Variants in RBPJ observed in about 807,000 individuals in gnomAD.
RBPJ encodes the protein recombination signal binding protein for immunoglobulin kappa J region, also known as recombining binding protein suppressor of hairless.
A neutral mutation model predicts 67.8 loss-of-function variants in RBPJ; 9 were observed. The observed-to-expected ratio is 0.13, with a 90% CI of 0.08 to 0.23. RBPJ has a LOEUF of 0.23. Among genes scored for constraint, RBPJ ranks in the 10% least tolerant of loss-of-function variants. The probability of loss-of-function intolerance (pLI) is 1.00; values close to 1 mark genes in which losing one functional copy is unlikely to be tolerated. For missense variants in RBPJ, 305 were observed against 595.6 expected, an observed-to-expected ratio of 0.51 and a Z score of 5.08; for synonymous variants, 198 against 203.3, an observed-to-expected ratio of 0.97 and a Z score of 0.22.
intron 1 of RBPJ, among the ~76,000 whole-genome samples, chr4:26,176,795 C>T (rs1716809119): frequency 3.3e-5 from 5 of 152,356 alleles, no homozygotes; most frequent in South Asian, 2.1e-4. Context: ...AGGCCTAAGC[C>T]AGGCCTGTCT....
At chr4:26,327,007 CTA>C (rs1348137993) in intron 1 of RBPJ, among the ~76,000 whole-genome samples, 3 of 152,168 alleles carry the variant, frequency 2.0e-5, no homozygotes, top group African/African-American at 7.2e-5. Context: ...TTTTTGGGGT[CTA>C]TTTCTTACTG....
At chr4:26,227,775 G>A (rs1373566903) in intron 1 of RBPJ, among the ~76,000 whole-genome samples, 2 of 152,206 alleles carry the variant, frequency 1.3e-5, no homozygotes, top group Non-Finnish European at 2.9e-5. Context: ...GTCGCGGAGC[G>A]TCCGAGTGCC....
At chr4:26,313,357 C>G (rs1033515432) in intron 1 of RBPJ, among the ~76,000 whole-genome samples, 1 of 152,078 alleles carries the variant, frequency 6.6e-6, no homozygotes, top group Admixed American at 6.6e-5. Context: ...AAGGGAGAAA[C>G]GCCATCTCTA....
At chr4:26,253,311 T>TC (rs1417862432) in intron 1 of RBPJ, among the ~76,000 whole-genome samples, 1 of 142,782 alleles carries the variant, frequency 7.0e-6, no homozygotes, top group African/African-American at 2.6e-5. Context: ...CTATTTCTTT[T>TC]TTTTTTTTTT....
intron 1 of RBPJ, among the ~76,000 whole-genome samples, chr4:26,260,068 T>C (rs1577366776): frequency 6.6e-6 from 1 of 152,342 alleles, no homozygotes; most frequent in African/African-American, 2.4e-5. Flanking sequence ...AGACATATTA[T>C]AGCAAGTTAG....
intron 1 of RBPJ, among the ~76,000 whole-genome samples, chr4:26,224,776 G>A (rs1577491585): frequency 6.6e-6 from 1 of 152,208 alleles, no homozygotes; most frequent in South Asian, 2.1e-4. Context: ...TCAGGGCAGC[G>A]AAAACAACGC....
intron 1 of RBPJ, among the ~76,000 whole-genome samples, chr4:26,166,616 G>A (rs537730952): frequency 8.6e-5 from 13 of 151,984 alleles, no homozygotes; most frequent in South Asian, 6.3e-4. Context: ...TTCTGGATAT[G>A]AGCCCTATGT....
At chr4:26,299,976 C>T (rs1014951830) in intron 1 of RBPJ, among the ~76,000 whole-genome samples, 2 of 152,078 alleles carry the variant, frequency 1.3e-5, no homozygotes, top group Admixed American at 6.6e-5. Context: ...TGAGCCACCG[C>T]GCCTGGCCCA....
intron 3 of RBPJ, among the ~76,000 whole-genome samples, chr4:26,414,455 C>T (rs1278604364): frequency 6.6e-6 from 1 of 152,192 alleles, no homozygotes; most frequent in East Asian, 1.9e-4. Flanking sequence ...AGGTATGGGT[C>T]ACCGCGCCCA....
intron 1 of RBPJ, among the ~76,000 whole-genome samples, chr4:26,347,890 G>A (rs1726331101): frequency 6.6e-6 from 1 of 151,886 alleles, no homozygotes; most frequent in Non-Finnish European, 1.5e-5. Context: ...GTGACCAAGA[G>A]GACATTTACC....
rs73245775 is a variant in RBPJ, at chr4:26,359,946, G to A, written c.21-26407G>A. 0.027 allele frequency among the ~76,000 whole-genome samples: 4,144 copies of A among 152,282 alleles called. 124 individuals are homozygous for A. The highest frequency in any genetic ancestry group is 0.087 in the Admixed American group (1,337 of 15,282). ...GATCTCATAATTTCATAAATATTGT[G>A]TGTTGTAAATTCAGTAGTCAAAACC... On this transcript the variant is annotated intron_variant, in intron 1 of 10. Coordinates refer to ENST00000355476, the MANE Select transcript of RBPJ (RefSeq NM_015874.6).
chr4:26,288,643 T>A (rs1392978791), intron 1 of RBPJ, among the ~76,000 whole-genome samples: 1 of 152,238 alleles, frequency 6.6e-6, no homozygotes, highest in African/African-American at 2.4e-5. Flanking sequence ...TGTGAGTTTA[T>A]TTTAAAAGCC....
intron 1 of RBPJ, among the ~76,000 whole-genome samples, chr4:26,210,686 C>CTTTCTTTCT (rs56289492): frequency 1.5e-5 from 1 of 65,396 alleles, no homozygotes. Context: ...TTCTTTCTTT[C>CTTTCTTTCT]CTTTCTTTCT....
At position 26,424,508 on chromosome 4, in the gene RBPJ, T is replaced by C; in HGVS notation, c.634+29T>C. The C allele has an allele frequency of 1.2e-6, 2 of 1,607,796 alleles. No individual in the cohort carries two copies. The highest frequency in any genetic ancestry group is 1.7e-6 in the Non-Finnish European group (2 of 1,176,352). ...AGTATAAAAGTGTGCATTTAATGTT[T>C]TTAGTGTGAAATTGTTAAAATCTTT... On this transcript the variant is annotated intron_variant, in intron 6 of 10. Transcript: ENST00000355476. This position sits in a 1 kb window ranked among gnomAD's most constrained non-coding sequence, Gnocchi z 5.3.
chr4:26,141,363 C>A, the RBPJ span, among the ~76,000 whole-genome samples: 1 of 152,196 alleles, frequency 6.6e-6, no homozygotes, highest in Non-Finnish European at 1.5e-5. Context: ...ATACTTCCTA[C>A]CCCACTCCTG....
the RBPJ span, among the ~76,000 whole-genome samples, chr4:26,105,603 TC>T: frequency 1.3e-5 from 2 of 152,120 alleles, no homozygotes; most frequent in African/African-American, 4.8e-5. Flanking sequence ...ATTTCCTGTT[TC>T]CAGTGGAACT....
the RBPJ span, among the ~76,000 whole-genome samples, chr4:26,153,358 A>G: frequency 1.3e-5 from 2 of 152,268 alleles, 1 homozygote; most frequent in East Asian, 3.9e-4. Context: ...CAAGCAGCAC[A>G]GTAGCATGCC....
intron 1 of RBPJ, among the ~76,000 whole-genome samples, chr4:26,357,430 C>T (rs1362876805): frequency 6.6e-6 from 1 of 151,974 alleles, no homozygotes; most frequent in African/African-American, 2.4e-5. Context: ...TGAGTAGTGC[C>T]ACTTAACGAA....
chr4:26,412,560 C>T (rs1251752267), intron 3 of RBPJ, among the ~76,000 whole-genome samples: 2 of 152,074 alleles, frequency 1.3e-5, no homozygotes, highest in African/African-American at 2.4e-5. Flanking sequence ...GGATGTTCAA[C>T]CACTAAGTAT....
Sources: gnomAD v4.1 joint callset for allele counts (sites outside exome capture counted in the v4.1 genomes callset) on GRCh38, gnomAD v4.1.1 for gene constraint, Gnocchi (gnomAD v3.1) non-coding constraint, MANE v1.5 for transcripts, NCBI Gene and HGNC (gene_info 2026-07-23, HGNC 2026-07-21) for gene names.